The following ITGA2 variants were observed in gnomAD, a reference collection of about 807,000 sequenced individuals.
ITGA2 encodes the protein integrin alpha-2.
A neutral mutation model predicts 146.3 loss-of-function variants in ITGA2; 101 were observed. The observed-to-expected ratio is 0.69, with a 90% CI of 0.59 to 0.81. The LOEUF (loss-of-function observed/expected upper bound fraction) is 0.81. Ranked by LOEUF, ITGA2 falls within the 40% of genes least tolerant of loss-of-function variation. The pLI is 0.00. For synonymous variants in ITGA2, 477 were observed against 487.1 expected (o/e 0.98, Z 0.27); for missense variants, 1,281 against 1,402.7 (o/e 0.91, Z 1.39).
At chr5:53,031,622 C>T (rs550524364) in intron 2 of ITGA2, among the ~76,000 whole-genome samples, 1 of 152,338 alleles carries the variant, frequency 6.6e-6, no homozygotes, top group South Asian at 2.1e-4. Context: ...ATTTATGAGA[C>T]TTTCATTGCA....
At chr5:53,083,279 CATTT>C in intron 26 of ITGA2, 57 bp from the exon 27 acceptor site, 1 of 1,051,652 alleles carries the variant, frequency 9.5e-7, no homozygotes, top group Non-Finnish European at 1.5e-6. Flanking sequence ...AAAATTTTAG[CATTT>C]ATTTTTTAAC....
intron 1 of ITGA2, among the ~76,000 whole-genome samples, chr5:52,999,911 A>G (rs1741480720): frequency 6.6e-6 from 1 of 152,210 alleles, no homozygotes. Flanking sequence ...TAAAAATAAA[A>G]GATTTCCAGG....
At chr5:53,015,491 G>A (rs1742360132) in intron 1 of ITGA2, among the ~76,000 whole-genome samples, 1 of 151,738 alleles carries the variant, frequency 6.6e-6, no homozygotes, top group Non-Finnish European at 1.5e-5. Context: ...TTAATTTGCT[G>A]AGAATTGTTT....
chr5:53,010,770 A>G (rs1360494174), intron 1 of ITGA2, among the ~76,000 whole-genome samples: 1 of 152,200 alleles, frequency 6.6e-6, no homozygotes, highest in Admixed American at 6.5e-5. Context: ...GCTCCCAAAA[A>G]GATATGTCCA....
Position 53,087,463 on chromosome 5 carries a change from T to C in ITGA2, c.3348+422T>C, listed in dbSNP as rs201005709. On this transcript the variant is annotated intron_variant, in intron 28 of 29. Transcript: ENST00000296585. ...GCTTATTTAAATCATAAATTGTATT[T>C]TGAAAAATTTTTAAAGAAAGGTACT... Among the ~76,000 whole-genome samples, 24 of 152,310 alleles carry C rather than the reference T, an allele frequency of 1.6e-4. 1 individual carries two copies. Among genetic ancestry groups the C allele is most frequent in the Admixed American group, 9.2e-4 (14 of 15,300 alleles).
Position 52,990,081 on chromosome 5 carries a change from A to G in ITGA2, c.64+549A>G, listed in dbSNP as rs145589824. ...ACCCAAGGATGTGAATAATGCCTCTATTTCTTACTTGAGGACGAAGCGCTG... is the reference window on the plus strand; with the variant it reads ...ACCCAAGGATGTGAATAATGCCTCTGTTTCTTACTTGAGGACGAAGCGCTG... On this transcript the variant is annotated intron_variant, in intron 1 of 29. Transcript: ENST00000296585. 3.8e-3 allele frequency: 604 copies of G among 159,874 alleles called. 3 individuals carry two copies. Among genetic ancestry groups the G allele is most frequent in the African/African-American group, 0.013 (533 of 41,780 alleles). The allele number at this position is 159,874 out of a possible 1,614,324, so 9.9% of individuals were successfully genotyped here.
chr5:53,081,614 CA>C lies in ITGA2; in HGVS notation c.3063del (p.Asp1022IlefsTer5). The C allele has an allele frequency of 6.2e-7, 1 of 1,612,294 alleles. No homozygotes were observed. Among genetic ancestry groups the C allele is most frequent in the Non-Finnish European group, 8.5e-7 (1 of 1,179,136 alleles). On this transcript the variant is annotated frameshift_variant, in exon 26 of 30. Transcript: ENST00000296585. LOFTEE classifies it high-confidence loss of function. ...TDKAGDISCN[A>X]DINPLKIGQT... ...TAGGCTGGTGACATCAGTTGTAATG[CA>C]GATATCAATCCACTGAAAATAGGAC...
rs185535637 is a variant in ITGA2, at chr5:53,015,669, T to C, written c.65-11079T>C. On this transcript the variant is annotated intron_variant, in intron 1 of 29. Transcript: ENST00000296585. Reference sequence around the variant, plus strand: ...GTTAGTTTTCTGCCTCAATGATCTGTCTAATACTGTCAGTGGGGTGTTGAA... The same window carrying C: ...GTTAGTTTTCTGCCTCAATGATCTGCCTAATACTGTCAGTGGGGTGTTGAA... Among the ~76,000 whole-genome samples, 5 of 152,342 alleles carry C rather than the reference T, an allele frequency of 3.3e-5. No homozygotes were observed. The East Asian group carries it at 9.6e-4, about 29-fold the overall frequency.
intron 1 of ITGA2, 63 bp downstream of exon 1, chr5:52,989,595 C>T: frequency 1.3e-6 from 2 of 1,572,110 alleles, no homozygotes; most frequent in Non-Finnish European, 1.8e-6. Context: ...CTGGGGCTCG[C>T]TGGAGGGATT....
rs1023277114 is a variant in ITGA2, at chr5:53,094,078, T to G, written c.*3479T>G. 1.3e-5 allele frequency: 2 copies of G among 152,626 alleles called. No individual in the cohort carries two copies. Among genetic ancestry groups the G allele is most frequent in the Non-Finnish European group, 2.9e-5 (2 of 68,022 alleles). 9.5% of individuals were successfully genotyped at this position (152,626 alleles called of 1,614,324 possible). On this transcript the variant is annotated 3_prime_UTR_variant, in exon 30 of 30. Transcript: ENST00000296585. ...TAATGTATTTACCTGTCCTGATATATAGCTATAACCCAATATATGAAAATC... is the reference window on the plus strand; with the variant it reads ...TAATGTATTTACCTGTCCTGATATAGAGCTATAACCCAATATATGAAAATC...
At position 53,074,158 on chromosome 5, in the gene ITGA2, T is replaced by C. The variant is rs148443357; in HGVS notation, c.2572-227T>C. Among the ~76,000 whole-genome samples the C allele has an allele frequency of 1.8e-3, 274 of 152,058 alleles. 1 individual carries two copies. Among genetic ancestry groups the C allele is most frequent in the African/African-American group, 6.4e-3 (267 of 41,522 alleles). On this transcript the variant is annotated intron_variant, in intron 20 of 29. Coordinates refer to ENST00000296585, the MANE Select transcript of ITGA2 (RefSeq NM_002203.4). ...GGGGAAAAAATACAGTATTTAATCTTTTCTTTGTTTTGTTGGATGTTCTAG... is the reference window on the plus strand; with the variant it reads ...GGGGAAAAAATACAGTATTTAATCTCTTCTTTGTTTTGTTGGATGTTCTAG...
At chr5:52,994,661 T>C (rs1210602717) in intron 1 of ITGA2, among the ~76,000 whole-genome samples, 1 of 152,228 alleles carries the variant, frequency 6.6e-6, no homozygotes, top group Non-Finnish European at 1.5e-5. Flanking sequence ...AAATGGACTT[T>C]GATGTTGTCT....
intron 1 of ITGA2, among the ~76,000 whole-genome samples, chr5:53,021,468 C>T (rs914085845): frequency 4.6e-5 from 7 of 152,144 alleles, no homozygotes; most frequent in Non-Finnish European, 8.8e-5. Flanking sequence ...CTCATTCTTC[C>T]GGAGTAGATA....
At chr5:52,996,763 C>A (rs909424072) in intron 1 of ITGA2, among the ~76,000 whole-genome samples, 2 of 152,122 alleles carry the variant, frequency 1.3e-5, no homozygotes, top group African/African-American at 4.8e-5. Context: ...TCCTAAAAAC[C>A]AAACAAGTTC....
chr5:53,003,508 G>A lies in ITGA2; in HGVS notation c.64+13976G>A, dbSNP rs565555455. Among the ~76,000 whole-genome samples the A allele has an allele frequency of 3.3e-4, 50 of 152,228 alleles. No individual in the cohort carries two copies. The South Asian group carries it at 9.8e-3, about 30-fold the overall frequency. On this transcript the variant is annotated intron_variant, in intron 1 of 29. Coordinates refer to ENST00000296585, the MANE Select transcript of ITGA2 (RefSeq NM_002203.4). The stretch of plus-strand genomic sequence containing the variant: ...GGAGGCAGCTCTCCCTCTTCCTGTG[G>A]TATCCTCAAGCCTCTCCACATGGTG...
At chr5:53,067,389 C>A in intron 16 of ITGA2, 132 bp downstream of exon 16, 1 of 905,216 alleles carries the variant, frequency 1.1e-6, no homozygotes, top group Non-Finnish European at 1.7e-6. Context: ...TTTCCTTACA[C>A]TGGAGATGCC....
At chr5:53,042,007 T>G in intron 2 of ITGA2, 105 bp from the exon 3 acceptor site, 1 of 777,206 alleles carries the variant, frequency 1.3e-6, no homozygotes, top group East Asian at 2.6e-5. Context: ...AAATATAAAC[T>G]GTTCACATTG....
At chr5:53,036,664 A>G (rs1358732549) in intron 2 of ITGA2, among the ~76,000 whole-genome samples, 1 of 151,972 alleles carries the variant, frequency 6.6e-6, no homozygotes, top group East Asian at 1.9e-4. Flanking sequence ...TTTTCTCCCA[A>G]AGCACTGATC....
At chr5:53,016,187 A>C (rs1380938603) in intron 1 of ITGA2, among the ~76,000 whole-genome samples, 2 of 152,180 alleles carry the variant, frequency 1.3e-5, no homozygotes, top group African/African-American at 4.8e-5. Flanking sequence ...TCAATGGTCT[A>C]TGTACTTAAG....
Sources: allele counts gnomAD v4.1 joint callset (sites outside exome capture counted in the v4.1 genomes callset), GRCh38; gene constraint gnomAD v4.1.1; transcripts MANE v1.5; gene names NCBI Gene and HGNC (gene_info 2026-07-23, HGNC 2026-07-21).